CEP170: variants seen among roughly 807,000 people sequenced by gnomAD.
CEP170 encodes centrosomal protein of 170 kDa.
CEP170 carries 21 observed loss-of-function variants against 151.9 expected under a neutral mutation model. The ratio of observed to expected loss-of-function variants is 0.14; its 90% CI spans 0.10 to 0.20. The LOEUF (loss-of-function observed/expected upper bound fraction) is 0.20. CEP170 is among the 10% of genes least tolerant of loss of function. The pLI is 1.00. For missense variants in CEP170, 964 were observed against 1,892.9 expected (o/e 0.51, Z 9.11); for synonymous variants, 356 against 648.8 (o/e 0.55, Z 6.86).
At chr1:243,214,280 GTTTTTTTT>G (rs758433258) in intron 3 of CEP170, among the ~76,000 whole-genome samples, 2 of 100,546 alleles carry the variant, frequency 2.0e-5, no homozygotes, top group Non-Finnish European at 3.9e-5. Context: ...AAGCTGTAAA[GTTTTTTTT>G]TTTTTTTTTT....
chr1:243,156,150 C>G, intron 14 of CEP170, 71 bp downstream of exon 14: 1 of 1,493,704 alleles, frequency 6.7e-7, no homozygotes, highest in Middle Eastern at 1.8e-4. Context: ...CAAGTACAAG[C>G]TAAACTTTGT....
At chr1:243,241,493 T>C (rs2064828915) in intron 1 of CEP170, among the ~76,000 whole-genome samples, 2 of 152,108 alleles carry the variant, frequency 1.3e-5, no homozygotes, top group Non-Finnish European at 2.9e-5. Flanking sequence ...ATCTTAACTA[T>C]ATCAAGAAAA....
chr1:243,202,575 T>C (rs955225909), intron 4 of CEP170, among the ~76,000 whole-genome samples: 4 of 152,024 alleles, frequency 2.6e-5, no homozygotes, highest in Non-Finnish European at 5.9e-5. Context: ...ATATATATAA[T>C]ATAGAAAAAC....
chr1:243,225,561 TC>T (rs2063157781), intron 1 of CEP170, among the ~76,000 whole-genome samples: 1 of 152,184 alleles, frequency 6.6e-6, no homozygotes, highest in Admixed American at 6.5e-5. Context: ...AAGTGGGTGC[TC>T]AACTAGCAAA....
At chr1:243,229,026 T>A (rs954983552) in intron 1 of CEP170, among the ~76,000 whole-genome samples, 4 of 152,208 alleles carry the variant, frequency 2.6e-5, no homozygotes, top group African/African-American at 9.6e-5. Context: ...ACTGTCTGTT[T>A]TTATATGAGA....
chr1:243,221,933 G>T, intron 2 of CEP170, 120 bp from the exon 3 acceptor site: 3 of 846,816 alleles, frequency 3.5e-6, no homozygotes, highest in Non-Finnish European at 5.3e-6. Flanking sequence ...CAAAGTAAGT[G>T]TGGATTAAAT....
intron 3 of CEP170, among the ~76,000 whole-genome samples, chr1:243,217,657 G>C (rs912044117): frequency 6.6e-6 from 1 of 152,174 alleles, no homozygotes; most frequent in Non-Finnish European, 1.5e-5. Context: ...ATAGTCTCCT[G>C]AAGGTCTAAA....
intron 1 of CEP170, among the ~76,000 whole-genome samples, chr1:243,248,216 G>A (rs1002544668): frequency 9.2e-5 from 14 of 152,212 alleles, no homozygotes; most frequent in Admixed American, 2.0e-4. Flanking sequence ...TTCTTATGAA[G>A]TATTTAGGTG....
At chr1:243,231,144 A>G (rs2063706630) in intron 1 of CEP170, among the ~76,000 whole-genome samples, 1 of 149,214 alleles carries the variant, frequency 6.7e-6, no homozygotes, top group Non-Finnish European at 1.5e-5. Flanking sequence ...CAGCAAAACT[A>G]TCTTTCAAGC....
intron 14 of CEP170, among the ~76,000 whole-genome samples, 183 bp downstream of exon 14, chr1:243,156,038 C>T (rs2057518199): frequency 1.3e-5 from 2 of 150,942 alleles, no homozygotes; most frequent in Admixed American, 1.3e-4. Context: ...GTGGTATAGG[C>T]ATAGAAAAAA....
At chr1:243,222,833 A>G (rs1210987212) in intron 2 of CEP170, among the ~76,000 whole-genome samples, 1 of 152,210 alleles carries the variant, frequency 6.6e-6, no homozygotes, top group Non-Finnish European at 1.5e-5. Context: ...GCAAATACAG[A>G]GAGAATCACA....
At chr1:243,144,702 CAT>C (rs1245138533) in intron 14 of CEP170, among the ~76,000 whole-genome samples, 5 of 152,114 alleles carry the variant, frequency 3.3e-5, no homozygotes, top group East Asian at 1.9e-4. Flanking sequence ...GCAATCTCCA[CAT>C]GTGATATAGT....
intron 7 of CEP170, among the ~76,000 whole-genome samples, chr1:243,194,848 T>A (rs1287431838): frequency 6.6e-6 from 1 of 151,922 alleles, no homozygotes. Context: ...TTACTAGATT[T>A]TAAAAAATTA....
intron 1 of CEP170, among the ~76,000 whole-genome samples, chr1:243,246,483 C>T (rs1046262478): frequency 3.9e-5 from 6 of 152,086 alleles, no homozygotes; most frequent in Non-Finnish European, 8.8e-5. Flanking sequence ...CTGCTGGCTT[C>T]GGCCTCCCAA....
chr1:243,188,375 C>A (rs1186436754), intron 8 of CEP170, among the ~76,000 whole-genome samples: 1 of 152,116 alleles, frequency 6.6e-6, no homozygotes, highest in Non-Finnish European at 1.5e-5. Context: ...ACTTGTAGTT[C>A]AAAACTTTTC....
chr1:243,217,813 G>A (rs2062438909), intron 3 of CEP170, among the ~76,000 whole-genome samples: 1 of 152,184 alleles, frequency 6.6e-6, no homozygotes, highest in Non-Finnish European at 1.5e-5. Context: ...AGACCTGGTG[G>A]TGAGGAAAAT....
intron 7 of CEP170, among the ~76,000 whole-genome samples, chr1:243,191,860 T>C (rs2060326332): frequency 6.6e-6 from 1 of 152,140 alleles, no homozygotes; most frequent in Non-Finnish European, 1.5e-5. Context: ...TCAATGTATA[T>C]ATAAAAAGTG....
At chr1:243,212,654 A>G (rs2061914013) in intron 3 of CEP170, among the ~76,000 whole-genome samples, 1 of 151,250 alleles carries the variant, frequency 6.6e-6, no homozygotes, top group Non-Finnish European at 1.5e-5. Flanking sequence ...ACAAAAAAAT[A>G]TTGTAAGCCA....
At position 243,231,153 on chromosome 1, in the gene CEP170, G is replaced by GCATCATCAT. The variant is rs74162260; in HGVS notation, c.-41-5841_-41-5833dup. On this transcript the variant is annotated intron_variant, in intron 1 of 19. Coordinates refer to ENST00000366542, the MANE Select transcript of CEP170 (RefSeq NM_014812.3). ...TATACCCAGCAAAACTATCTTTCAA[G>GCATCATCAT]CATCATCATCATCATCATCATCATC... Among the ~76,000 whole-genome samples, 241 of 142,178 alleles carry GCATCATCAT rather than the reference G, an allele frequency of 1.7e-3. 1 individual carries two copies. The South Asian group carries it at 0.018, about 11-fold the overall frequency. The allele number at this position is 142,178 out of a possible 152,430, so 93.3% of individuals were successfully genotyped here.
Sources: allele counts gnomAD v4.1 joint callset (sites outside exome capture counted in the v4.1 genomes callset), GRCh38; gene constraint gnomAD v4.1.1; transcripts MANE v1.5; gene names NCBI Gene and HGNC (gene_info 2026-07-23, HGNC 2026-07-21).